Variants in FOXK2 observed in about 807,000 individuals in gnomAD.
The protein encoded by FOXK2 is forkhead box K2.
Under a neutral mutation model 53.3 loss-of-function variants are expected in FOXK2, and 24 were observed. The ratio of observed to expected loss-of-function variants is 0.45; its 90% CI spans 0.33 to 0.63. FOXK2 has a LOEUF of 0.63. Ranked by LOEUF, FOXK2 falls within the 30% of genes least tolerant of loss-of-function variation. FOXK2 has a pLI of 0.03. For missense variants in FOXK2, 952 were observed against 910.5 expected, an observed-to-expected ratio of 1.05 and a Z score of -0.59; for synonymous variants, 505 against 407.1, an observed-to-expected ratio of 1.24 and a Z score of -2.89.
In FOXK2 at chr17:82,603,761, T is replaced by G. The variant is rs1404940792; in HGVS notation, c.*2262T>G. The G allele has an allele frequency of 1.3e-5, 2 of 148,982 alleles. No homozygotes were observed. The highest frequency in any genetic ancestry group is 3.0e-5 in the Non-Finnish European group (2 of 67,546). 9.2% of individuals were successfully genotyped at this position (148,982 alleles called of 1,614,324 possible). A position where few individuals can be genotyped will look rare whatever the true frequency, so the allele number is the denominator to read the frequency against. ...TTGCCGTAGGCACCATTCTGCATCT[T>G]GAACCCAGACTGAAGTGTGCCTCTC... is the stretch of plus-strand genomic sequence containing the variant. On this transcript the variant is annotated 3_prime_UTR_variant, in exon 9 of 9. Coordinates refer to ENST00000335255, the MANE Select transcript of FOXK2 (RefSeq NM_004514.4).
At chr17:82,588,057 G>C (rs148015269) in intron 8 of FOXK2, among the ~76,000 whole-genome samples, 1 of 152,138 alleles carries the variant, frequency 6.6e-6, no homozygotes, top group Admixed American at 6.5e-5. Flanking sequence ...CTTACCGAAC[G>C]CTACGAACAG....
At chr17:82,531,514 C>T (rs1211018763) in intron 1 of FOXK2, among the ~76,000 whole-genome samples, 2 of 152,084 alleles carry the variant, frequency 1.3e-5, no homozygotes, top group Non-Finnish European at 1.5e-5. Flanking sequence ...ATAGAGCATA[C>T]TTGTACAAGC....
intron 8 of FOXK2, among the ~76,000 whole-genome samples, chr17:82,598,755 T>G (rs2045346218): frequency 6.6e-6 from 1 of 152,254 alleles, no homozygotes; most frequent in South Asian, 2.1e-4. Flanking sequence ...GTTTCAGCAT[T>G]TCAGGAGACA....
chr17:82,547,656 A>C (rs1218756977), intron 1 of FOXK2, among the ~76,000 whole-genome samples: 3 of 151,660 alleles, frequency 2.0e-5, no homozygotes, highest in Non-Finnish European at 4.4e-5. Context: ...CACATAAAAC[A>C]AACTTAAGGG....
At chr17:82,547,013 G>A (rs576273410) in intron 1 of FOXK2, among the ~76,000 whole-genome samples, 1 of 150,768 alleles carries the variant, frequency 6.6e-6, no homozygotes, top group Non-Finnish European at 1.5e-5. Context: ...GGAGGTGGAG[G>A]TCACAGTGAG....
chr17:82,545,494 A>G (rs573849836), intron 1 of FOXK2, among the ~76,000 whole-genome samples: 2 of 152,226 alleles, frequency 1.3e-5, no homozygotes, highest in South Asian at 4.1e-4. Flanking sequence ...CTATAGGTAG[A>G]CATTTAAAGT....
intron 1 of FOXK2, among the ~76,000 whole-genome samples, chr17:82,531,843 A>G (rs1472101014): frequency 2.0e-5 from 3 of 152,066 alleles, no homozygotes; most frequent in Non-Finnish European, 4.4e-5. Context: ...CATTTAGGCT[A>G]TACTTTATTT....
At chr17:82,534,647 A>C (rs1386563933) in intron 1 of FOXK2, among the ~76,000 whole-genome samples, 2 of 152,140 alleles carry the variant, frequency 1.3e-5, no homozygotes, top group African/African-American at 4.8e-5. Context: ...TCTAGCTCTG[A>C]TCCTTCTCAC....
chr17:82,544,910 C>T (rs1048420943), intron 1 of FOXK2, among the ~76,000 whole-genome samples: 4 of 151,634 alleles, frequency 2.6e-5, no homozygotes, highest in East Asian at 1.9e-4. Flanking sequence ...GTCCCGGGGG[C>T]GCACCCTCTC....
intron 8 of FOXK2, chr17:82,596,112 C>CGGCCACACCTGT: frequency 2.9e-5 from 30 of 1,049,982 alleles, no homozygotes; most frequent in Non-Finnish European, 3.3e-5. Flanking sequence ...GCCACACCTG[C>CGGCCACACCTGT]GGCCACAGAC....
chr17:82,531,491 T>C (rs550283987), intron 1 of FOXK2, among the ~76,000 whole-genome samples: 1 of 152,284 alleles, frequency 6.6e-6, no homozygotes, highest in East Asian at 1.9e-4. Flanking sequence ...GATTTCATTG[T>C]TGTGCGAACA....
chr17:82,541,883 A>ATTTTT (rs557786535), intron 1 of FOXK2, among the ~76,000 whole-genome samples: 2 of 141,588 alleles, frequency 1.4e-5, no homozygotes, highest in East Asian at 4.1e-4. Context: ...AGCTAATTAA[A>ATTTTT]TTTTTTTTTT....
At position 82,582,923 on chromosome 17, in the gene FOXK2, G is replaced by T; in HGVS notation, c.1092G>T (p.Pro364=). The T allele has an allele frequency of 1.3e-6, 2 of 1,585,026 alleles. No individual in the cohort carries two copies. The highest frequency in any genetic ancestry group is 4.5e-5 in the East Asian group (2 of 44,142). The change falls in exon 5 of 9, where the codon CCG becomes CCT. Residue 364 remains proline, a synonymous_variant. Transcript: ENST00000335255. ...CCTGCTTTAGAACCCCTCTGGGACC[G>T]CTCTCTTCTAGGTAAGGAAAAAGAA... ...GVPCFRTPLG[P]LSSRSAPASP... is the part of the protein sequence containing the mutation.
At chr17:82,537,584 A>C (rs1042253654) in intron 1 of FOXK2, among the ~76,000 whole-genome samples, 176 of 130,572 alleles carry the variant, frequency 1.3e-3, no homozygotes, top group African/African-American at 5.0e-3. Flanking sequence ...ATGCCACTGC[A>C]CTCCGGCCTG....
Position 82,572,694 on chromosome 17 carries a change from T to C in FOXK2, c.909+824T>C, listed in dbSNP as rs185572257. Among the ~76,000 whole-genome samples the C allele has an allele frequency of 3.1e-4, 47 of 152,342 alleles. No individual in the cohort carries two copies. The East Asian group carries it at 8.9e-3, about 29-fold the overall frequency. On this transcript the variant is annotated intron_variant, in intron 4 of 8. Transcript: ENST00000335255. ...AAAACATAGAGAAGAAATGTATGTATGCTTATAGTTTTTTAATTCATTAAG... is the reference window on the plus strand; with the variant it reads ...AAAACATAGAGAAGAAATGTATGTACGCTTATAGTTTTTTAATTCATTAAG...
At position 82,520,155 on chromosome 17, in the gene FOXK2, C is replaced by T. The variant is rs371474648; in HGVS notation, c.267C>T (p.Gly89=). The change falls in exon 1 of 9, where the codon GGC becomes GGT. Residue 89 remains glycine (G), a synonymous_variant. Coordinates refer to ENST00000335255, the MANE Select transcript of FOXK2 (RefSeq NM_004514.4). ...AGATCTTCACGCCCCCGGGCGGCGG[C>T]GGCCATGGCGGGGCCGCTCCGGAGC... ...HLEIFTPPGG[G]GHGGAAPELP... is the part of the protein sequence containing the mutation. 2.1e-5 allele frequency: 32 copies of T among 1,515,920 alleles called. No individual in the cohort carries two copies. The highest frequency in any genetic ancestry group is 2.6e-5 in the Non-Finnish European group (29 of 1,131,694). The allele number at this position is 1,515,920 out of a possible 1,614,324, so 93.9% of individuals were successfully genotyped here.
intron 1 of FOXK2, among the ~76,000 whole-genome samples, chr17:82,540,244 G>A (rs145859744): frequency 8.3e-4 from 125 of 151,298 alleles, no homozygotes; most frequent in African/African-American, 2.7e-3. Context: ...TCATGCCATC[G>A]CAGTCCAGCC....
At chr17:82,581,640 T>TA (rs1338025276) in intron 4 of FOXK2, among the ~76,000 whole-genome samples, 1 of 152,110 alleles carries the variant, frequency 6.6e-6, no homozygotes, top group East Asian at 1.9e-4. Context: ...TACGCCCCGC[T>TA]AATTTTTCGT....
chr17:82,593,584 C>CAG (rs2045278834), intron 8 of FOXK2: 2 of 152,422 alleles, frequency 1.3e-5, no homozygotes, highest in African/African-American at 4.8e-5. Flanking sequence ...CCCGGCCCCA[C>CAG]AGAGGAATTA....
Sources: gnomAD v4.1 joint callset for allele counts (sites outside exome capture counted in the v4.1 genomes callset) on GRCh38, gnomAD v4.1.1 for gene constraint, MANE v1.5 for transcripts, NCBI Gene and HGNC (gene_info 2026-07-23, HGNC 2026-07-21) for gene names.